COG2: variants seen among roughly 807,000 people sequenced by gnomAD.
COG2 encodes the protein component of oligomeric golgi complex 2, also known as conserved oligomeric Golgi complex subunit 2.
COG2 carries 52 observed loss-of-function variants against 90.6 expected under a neutral mutation model. The observed-to-expected ratio is 0.57, with a 90% CI of 0.46 to 0.72. The LOEUF (loss-of-function observed/expected upper bound fraction) is 0.72, where lower values mean the gene tolerates loss of function less well. Ranked by LOEUF, COG2 falls within the 30% of genes least tolerant of loss-of-function variation. The pLI is 0.00. For synonymous variants in COG2, 337 were observed against 320.4 expected (o/e 1.05, Z -0.55); for missense variants, 829 against 891.2 (o/e 0.93, Z 0.89).
intron 1 of COG2, among the ~76,000 whole-genome samples, chr1:230,647,556 CTT>C (rs373617876): frequency 5.4e-4 from 83 of 152,298 alleles, no homozygotes; most frequent in African/African-American, 1.9e-3. Context: ...TCTCAATACT[CTT>C]TGCAGTGTTT....
At chr1:230,664,014 CT>C (rs1662252913) in intron 4 of COG2, among the ~76,000 whole-genome samples, 1 of 152,054 alleles carries the variant, frequency 6.6e-6, no homozygotes, top group South Asian at 2.1e-4. Flanking sequence ...TAGCAAAACC[CT>C]GTCTTTACAA....
At chr1:230,663,267 C>A in intron 4 of COG2, 46 bp downstream of exon 4, 1 of 1,481,608 alleles carries the variant, frequency 6.7e-7, no homozygotes, top group Non-Finnish European at 9.3e-7. Flanking sequence ...CACTGTAGCA[C>A]CTTGTAGTAA....
At chr1:230,689,339 A>G (rs929521133) in intron 15 of COG2, among the ~76,000 whole-genome samples, 4 of 152,326 alleles carry the variant, frequency 2.6e-5, no homozygotes, top group South Asian at 4.2e-4. Context: ...AGAGAAACCA[A>G]TATGTTATTT....
intron 9 of COG2, chr1:230,677,890 T>C (rs1181262922): frequency 3.8e-6 from 1 of 265,162 alleles, no homozygotes; most frequent in African/African-American, 2.3e-5. Flanking sequence ...ATCCATTATA[T>C]GCAGAGGTAT....
chr1:230,656,287 G>A (rs989890250), intron 1 of COG2, among the ~76,000 whole-genome samples: 1 of 151,970 alleles, frequency 6.6e-6, no homozygotes, highest in Non-Finnish European at 1.5e-5. Flanking sequence ...CATGTGTCCC[G>A]GAGATTCTGG....
At position 230,660,787 on chromosome 1, in the gene COG2, T is replaced by G. The variant is rs16852160; in HGVS notation, c.264T>G (p.Leu88=). Residue 88 remains leucine (L), a synonymous_variant, in exon 3 of 18, where the codon CTT becomes CTG. Transcript: ENST00000366669. ...LVGMDKALNQ[L]SVPLGQLREE... is the part of the protein sequence containing the mutation. ...GCATGGACAAAGCCCTCAACCAGCT[T>G]TCTGTGCCTTTGGGACAATTACGAG... The G allele has an allele frequency of 6.7e-3, 10,690 of 1,586,946 alleles. 471 individuals are homozygous for G. The African/African-American group carries it at 0.11, about 16-fold the overall frequency.
intron 1 of COG2, among the ~76,000 whole-genome samples, chr1:230,643,602 A>G (rs1571937561): frequency 1.0e-5 from 1 of 96,300 alleles, no homozygotes; most frequent in African/African-American, 4.0e-5. Flanking sequence ...TTCTAGATTA[A>G]TTAGCCTATC....
Position 230,669,525 on chromosome 1 carries a change from A to G in COG2, c.764A>G (p.Tyr255Cys). The part of the protein sequence containing the change: ...ALVGQVLVKP[Y>C]IDEVIIEQFV... ...GTTGGCCAAGTACTAGTGAAACCATACATAGACGAGGTCTGTGTACCTCCT... is the reference window on the plus strand; with the variant it reads ...GTTGGCCAAGTACTAGTGAAACCATGCATAGACGAGGTCTGTGTACCTCCT... Residue 255 changes from tyrosine to cysteine, a missense_variant, in exon 7 of 18, where the codon TAC becomes TGC. Coordinates refer to ENST00000366669, the MANE Select transcript of COG2 (RefSeq NM_007357.3). The G allele has an allele frequency of 6.2e-7, 1 of 1,613,698 alleles. No homozygotes were observed. Among genetic ancestry groups the G allele is most frequent in the East Asian group, 2.2e-5 (1 of 44,840 alleles).
intron 7 of COG2, chr1:230,671,086 A>G (rs193170504): frequency 2.0e-5 from 3 of 152,338 alleles, no homozygotes; most frequent in Admixed American, 6.5e-5. Context: ...TTTTATCACA[A>G]AAAATAAAAT....
In COG2 at chr1:230,645,991, GTAGGGGTCTTTCCTTCC is replaced by G. The variant is rs372352981; in HGVS notation, c.72+3315_72+3331del. On this transcript the variant is annotated intron_variant, in intron 1 of 17. Transcript: ENST00000366669. ...CCCACAGGTAGTTGGGGACGCTGGTGTAGGGGTCTTTCCTTCCTCCTGAGGTCTGCCTCCCATGCCTG... is the reference window on the plus strand; with the variant it reads ...CCCACAGGTAGTTGGGGACGCTGGTGTCCTGAGGTCTGCCTCCCATGCCTG... Among the ~76,000 whole-genome samples the G allele has an allele frequency of 5.1e-4, 78 of 152,270 alleles. 1 individual carries two copies. The highest frequency in any genetic ancestry group is 1.8e-3 in the African/African-American group (75 of 41,554).
At chr1:230,669,847 TAAAAG>T in intron 7 of COG2, 1 of 245,046 alleles carries the variant, frequency 4.1e-6, no homozygotes. Context: ...CAGTAATTGT[TAAAAG>T]AATGTTTTCA....
In COG2 at chr1:230,683,647, A is replaced by G. The variant is rs766421570; in HGVS notation, c.1228+12A>G. On this transcript the variant is annotated intron_variant, in intron 11 of 17. Coordinates refer to ENST00000366669, the MANE Select transcript of COG2 (RefSeq NM_007357.3). ...GGAAGATGCCCCAGGTAACTCCCTT[A>G]AAGTGATAAGTGGCATGGTATCCTA... 3 of 1,585,510 alleles carry G rather than the reference A, an allele frequency of 1.9e-6. No individual in the cohort carries two copies. The highest frequency in any genetic ancestry group is 4.5e-5 in the East Asian group (2 of 44,744).
At position 230,643,614 on chromosome 1, in the gene COG2, C is replaced by T. The variant is rs906974981; in HGVS notation, c.72+936C>T. Among the ~76,000 whole-genome samples the T allele has an allele frequency of 3.3e-5, 5 of 151,582 alleles. No homozygotes were observed. In the South Asian group the frequency reaches 1.0e-3, roughly 32 times the overall value. On this transcript the variant is annotated intron_variant, in intron 1 of 17. Coordinates refer to ENST00000366669, the MANE Select transcript of COG2 (RefSeq NM_007357.3). Reference sequence around the variant, plus strand: ...GTTTTCTAGATTAATTAGCCTATCTCTTTTTGATAATATTTGCATTCAGAT... The same window carrying T: ...GTTTTCTAGATTAATTAGCCTATCTTTTTTTGATAATATTTGCATTCAGAT...
chr1:230,682,816 T>C (rs1404746856), intron 10 of COG2: 2 of 151,740 alleles, frequency 1.3e-5, no homozygotes, highest in Non-Finnish European at 2.9e-5. Context: ...ATTGCAAGAG[T>C]TATATAGTTA....
intron 5 of COG2, among the ~76,000 whole-genome samples, chr1:230,664,808 T>G (rs1175061443): frequency 6.6e-6 from 1 of 152,190 alleles, no homozygotes; most frequent in Non-Finnish European, 1.5e-5. Context: ...ACAGCACCTT[T>G]CAGGGAGTCA....
At chr1:230,689,456 A>T (rs572441745) in intron 15 of COG2, among the ~76,000 whole-genome samples, 1 of 152,316 alleles carries the variant, frequency 6.6e-6, no homozygotes, top group East Asian at 1.9e-4. Flanking sequence ...CACTTTGCAT[A>T]GTCTTATTAT....
chr1:230,678,661 A>G, intron 9 of COG2: 2 of 1,407,290 alleles, frequency 1.4e-6, no homozygotes, highest in East Asian at 3.5e-5. Context: ...AAAGAGCACC[A>G]GACTTAGAGT....
chr1:230,677,976 CAT>C (rs1662640865), intron 9 of COG2: 13 of 980,754 alleles, frequency 1.3e-5, no homozygotes, highest in Non-Finnish European at 1.6e-5. Context: ...TCTGGGATAA[CAT>C]AAGTTTGCCC....
intron 15 of COG2, among the ~76,000 whole-genome samples, chr1:230,689,646 C>A (rs1301399073): frequency 6.6e-6 from 1 of 152,220 alleles, no homozygotes; most frequent in East Asian, 1.9e-4. Flanking sequence ...CTCAACCCTT[C>A]CACCCACTGC....
Sources: allele counts gnomAD v4.1 joint callset (sites outside exome capture counted in the v4.1 genomes callset), GRCh38; gene constraint gnomAD v4.1.1; transcripts MANE v1.5; gene names NCBI Gene and HGNC (gene_info 2026-07-23, HGNC 2026-07-21).